EPHB1: variants seen among roughly 807,000 people sequenced by gnomAD.
EPHB1 encodes the protein EPH receptor B1, also known as ephrin type-B receptor 1.
In EPHB1, 30 loss-of-function variants were observed where a neutral mutation model predicts 94.4. The ratio of observed to expected loss-of-function variants is 0.32; its 90% CI spans 0.24 to 0.43. The LOEUF is 0.43. Among genes scored for constraint, EPHB1 ranks in the 20% least tolerant of loss-of-function variants. EPHB1 has a pLI of 1.00. For synonymous variants in EPHB1, 522 were observed against 489.1 expected, an observed-to-expected ratio of 1.07 and a Z score of -0.89; for missense variants, 1,055 against 1,308.3, an observed-to-expected ratio of 0.81 and a Z score of 2.99.
chr3:134,993,191 G>A (rs535511963), intron 3 of EPHB1, among the ~76,000 whole-genome samples: 1 of 152,324 alleles, frequency 6.6e-6, no homozygotes, highest in East Asian at 1.9e-4. Flanking sequence ...AACAGCACAG[G>A]CAGTTGGCTG....
chr3:135,042,495 T>A (rs1309957172), intron 3 of EPHB1, among the ~76,000 whole-genome samples: 1 of 152,158 alleles, frequency 6.6e-6, no homozygotes, highest in Non-Finnish European at 1.5e-5. Context: ...GAAAAAAAAA[T>A]TCACTGTTTT....
chr3:135,237,035 G>A (rs896080039), intron 12 of EPHB1, among the ~76,000 whole-genome samples: 6 of 152,146 alleles, frequency 3.9e-5, no homozygotes, highest in African/African-American at 1.4e-4. Flanking sequence ...CCCATTGAGA[G>A]TAGGGCTGAG....
chr3:135,219,977 C>T (rs1020190820), intron 12 of EPHB1, among the ~76,000 whole-genome samples: 1 of 152,210 alleles, frequency 6.6e-6, no homozygotes, highest in African/African-American at 2.4e-5. Flanking sequence ...AATGTTTATC[C>T]AGGTAAGGGT....
intron 3 of EPHB1, among the ~76,000 whole-genome samples, chr3:134,971,853 G>A (rs577051003): frequency 1.3e-5 from 2 of 152,182 alleles, no homozygotes; most frequent in Non-Finnish European, 2.9e-5. Context: ...TCCAGCACTG[G>A]ATTGACCAAG....
intron 9 of EPHB1, among the ~76,000 whole-genome samples, chr3:135,172,049 C>T (rs553113280): frequency 6.6e-6 from 1 of 152,198 alleles, no homozygotes; most frequent in Non-Finnish European, 1.5e-5. Flanking sequence ...ACAGTGTCTT[C>T]TGTGTGGTAA....
rs144821341 is a variant in EPHB1 at position 134,837,820 on chromosome 3, A to G, written c.58+42131A>G. 2.1e-3 allele frequency among the ~76,000 whole-genome samples: 318 copies of G among 152,344 alleles called. 7 individuals are homozygous for G. The highest frequency in any genetic ancestry group is 0.018 in the Admixed American group (274 of 15,304). On this transcript the variant is annotated intron_variant, in intron 1 of 15. Transcript: ENST00000398015. Reference sequence around the variant, plus strand: ...AACAGTTTCTATGCAAGGAAAATTTAAAAAGAAGGTGAGGAGAATGAGTGG... The same window carrying G: ...AACAGTTTCTATGCAAGGAAAATTTGAAAAGAAGGTGAGGAGAATGAGTGG...
rs1231402883 is a variant in EPHB1, at chr3:135,094,459, G to T, written c.806-11989G>T. Among the ~76,000 whole-genome samples the T allele has an allele frequency of 7.2e-5, 11 of 152,268 alleles. No homozygotes were observed. The South Asian group carries it at 8.3e-4, about 11-fold the overall frequency. Reference sequence around the variant, plus strand: ...TTTATGCTGTTTCTCCTGGGGCTGGGCCGTGGACAGGAGGGGCCTGTCGGC... The same window carrying T: ...TTTATGCTGTTTCTCCTGGGGCTGGTCCGTGGACAGGAGGGGCCTGTCGGC... On this transcript the variant is annotated intron_variant, in intron 3 of 15. Coordinates refer to ENST00000398015, the MANE Select transcript of EPHB1 (RefSeq NM_004441.5).
At chr3:135,199,123 C>G (rs928536386) in intron 11 of EPHB1, among the ~76,000 whole-genome samples, 5 of 152,192 alleles carry the variant, frequency 3.3e-5, no homozygotes, top group Admixed American at 3.3e-4. Context: ...GTTGTTTAAG[C>G]CACCCCAGTG....
At chr3:134,904,593 A>C (rs967961911) in intron 1 of EPHB1, among the ~76,000 whole-genome samples, 1 of 152,180 alleles carries the variant, frequency 6.6e-6, no homozygotes, top group Non-Finnish European at 1.5e-5. Context: ...TTGACTCTGC[A>C]TGGGAAAAAG....
At chr3:134,882,753 TCTTCCTTCCTTC>T (rs144731148) in intron 1 of EPHB1, among the ~76,000 whole-genome samples, 988 of 63,186 alleles carry the variant, frequency 0.016, 58 homozygotes, top group African/African-American at 0.061. Context: ...TTTCTTCCTT[TCTTCCTTCCTTC>T]CTTTCTTTCT....
chr3:135,247,136 T>C (rs562258946), intron 13 of EPHB1, among the ~76,000 whole-genome samples: 21 of 152,318 alleles, frequency 1.4e-4, no homozygotes, highest in African/African-American at 5.1e-4. Context: ...AGGATTATTA[T>C]AGAAAATAAA....
chr3:134,822,860 G>A (rs1373997574), intron 1 of EPHB1, among the ~76,000 whole-genome samples: 9 of 152,196 alleles, frequency 5.9e-5, no homozygotes, highest in Non-Finnish European at 1.2e-4. Flanking sequence ...GCTTTGGCTT[G>A]GCATAAACGA....
At chr3:135,243,163 T>C (rs1943835570) in intron 13 of EPHB1, among the ~76,000 whole-genome samples, 1 of 151,410 alleles carries the variant, frequency 6.6e-6, no homozygotes, top group South Asian at 2.1e-4. Flanking sequence ...CTAAGAACAA[T>C]TCAGCACTTA....
chr3:135,143,267 C>T (rs1940891333), intron 5 of EPHB1, among the ~76,000 whole-genome samples: 1 of 152,098 alleles, frequency 6.6e-6, no homozygotes, highest in Non-Finnish European at 1.5e-5. Flanking sequence ...AAAGAGTGGG[C>T]ATGGCAGGAT....
intron 2 of EPHB1, among the ~76,000 whole-genome samples, chr3:134,944,668 G>C (rs553377158): frequency 4.6e-5 from 7 of 152,260 alleles, no homozygotes; most frequent in African/African-American, 1.7e-4. Context: ...TTGTCCAAAG[G>C]CCAGTGGTCC....
At chr3:135,178,220 G>GGAGA (rs1559863028) in intron 9 of EPHB1, among the ~76,000 whole-genome samples, 1 of 116,978 alleles carries the variant, frequency 8.5e-6, no homozygotes, top group East Asian at 3.9e-4. Flanking sequence ...TTGGGAGGCC[G>GGAGA]GGGAGGGGGG....
At chr3:134,926,494 A>G (rs1002425406) in intron 2 of EPHB1, among the ~76,000 whole-genome samples, 3 of 152,232 alleles carry the variant, frequency 2.0e-5, no homozygotes, top group African/African-American at 7.2e-5. Context: ...GTTTTAGAGC[A>G]TGAGTAGGAG....
intron 3 of EPHB1, among the ~76,000 whole-genome samples, chr3:135,041,834 G>A (rs769353423): frequency 5.9e-5 from 9 of 152,114 alleles, no homozygotes; most frequent in South Asian, 2.1e-4. Context: ...TTCTTGCTGC[G>A]TCATCCCATG....
At chr3:134,868,508 G>A (rs1578153159) in intron 1 of EPHB1, among the ~76,000 whole-genome samples, 1 of 152,014 alleles carries the variant, frequency 6.6e-6, no homozygotes, top group South Asian at 2.1e-4. Context: ...AGGAAGTAAG[G>A]TGCTTATGCC....
Sources: allele counts gnomAD v4.1 joint callset (sites outside exome capture counted in the v4.1 genomes callset), GRCh38; gene constraint gnomAD v4.1.1; transcripts MANE v1.5; gene names NCBI Gene and HGNC (gene_info 2026-07-23, HGNC 2026-07-21).